The following IL1RAPL1 variants were observed in gnomAD, a reference collection of about 807,000 sequenced individuals.
The protein encoded by IL1RAPL1 is interleukin-1 receptor accessory protein-like 1.
Under a neutral mutation model 48.4 loss-of-function variants are expected in IL1RAPL1, and 3 were observed. That is an observed-to-expected ratio of 0.06 (90% confidence interval 0.03 to 0.16). The LOEUF (loss-of-function observed/expected upper bound fraction) is 0.16. IL1RAPL1 is among the 10% of genes least tolerant of loss of function. The pLI is 1.00. For missense variants in IL1RAPL1, 349 were observed against 530.6 expected, an observed-to-expected ratio of 0.66 and a Z score of 3.36; for synonymous variants, 185 against 187.7, an observed-to-expected ratio of 0.99 and a Z score of 0.12.
chrX:29,125,824 C>T (rs1251999159), intron 2 of IL1RAPL1, among the ~76,000 whole-genome samples: 1 of 106,304 alleles, frequency 9.4e-6, no homozygotes, highest in Non-Finnish European at 1.9e-5. Flanking sequence ...GTAAGAAAGA[C>T]CTTTCAACAA....
chrX:29,709,719 G>A (rs930401778), intron 6 of IL1RAPL1, among the ~76,000 whole-genome samples: 1 of 111,325 alleles, frequency 9.0e-6, no homozygotes, highest in Non-Finnish European at 1.9e-5. Flanking sequence ...TTGGAATTTC[G>A]ATAAGTACAC....
At chrX:29,757,205 G>A (rs930135255) in intron 6 of IL1RAPL1, among the ~76,000 whole-genome samples, 6 of 111,892 alleles carry the variant, frequency 5.4e-5, no homozygotes, top group Non-Finnish European at 9.4e-5. Context: ...ATATTTTTAA[G>A]TATATACAAA....
At chrX:29,389,846 T>A (rs955700242) in intron 3 of IL1RAPL1, among the ~76,000 whole-genome samples, 2 of 111,921 alleles carry the variant, frequency 1.8e-5, no homozygotes, top group Non-Finnish European at 3.8e-5. Context: ...AATGGTCTCA[T>A]TCTAATCTTT....
At chrX:28,679,590 A>G (rs1391239419) in intron 1 of IL1RAPL1, among the ~76,000 whole-genome samples, 1 of 111,578 alleles carries the variant, frequency 9.0e-6, no homozygotes, top group Non-Finnish European at 1.9e-5. Context: ...ATAAGGTTTC[A>G]GGTCTTACAT....
At position 29,197,769 on chromosome X, in the gene IL1RAPL1, T is replaced by C. The variant is rs761551050; in HGVS notation, c.83-85169T>C. The stretch of plus-strand genomic sequence containing the variant: ...TGTTGCCTAGGCTGGAGTGCAGTGG[T>C]GCAATCTCGCCTCACCGCAACCTCC... On this transcript the variant is annotated intron_variant, in intron 2 of 10. Coordinates refer to ENST00000378993, the MANE Select transcript of IL1RAPL1 (RefSeq NM_014271.4). Among the ~76,000 whole-genome samples, 52 of 104,540 alleles carry C rather than the reference T, an allele frequency of 5.0e-4. 1 individual carries two copies. In the South Asian group the frequency reaches 0.023, roughly 46 times the overall value. 90.8% of individuals were successfully genotyped at this position (104,540 alleles called of 115,157 possible). A position where few individuals can be genotyped will look rare whatever the true frequency, so the allele number is the denominator to read the frequency against.
chrX:29,601,973 TTTTG>T (rs1237093864), intron 5 of IL1RAPL1, among the ~76,000 whole-genome samples: 2 of 112,224 alleles, frequency 1.8e-5, no homozygotes, highest in South Asian at 3.7e-4. Flanking sequence ...TTGTTTGTTT[TTTTG>T]TTTGTTTGTT....
At position 29,893,581 on chromosome X, in the gene IL1RAPL1, T is replaced by C. The variant is rs192170916; in HGVS notation, c.779-23883T>C. On this transcript the variant is annotated intron_variant, in intron 6 of 10. Coordinates refer to ENST00000378993, the MANE Select transcript of IL1RAPL1 (RefSeq NM_014271.4). ...CAGGTTGAATAATATTTCTCCCTAC[T>C]TTATCAAAATATATATCATATATAT... Among the ~76,000 whole-genome samples, 202 of 111,461 alleles carry C rather than the reference T, an allele frequency of 1.8e-3. 1 individual carries two copies. The highest frequency in any genetic ancestry group is 4.0e-3 in the Admixed American group (42 of 10,405).
chrX:29,682,353 C>A, intron 6 of IL1RAPL1, among the ~76,000 whole-genome samples: 1 of 110,839 alleles, frequency 9.0e-6, no homozygotes, highest in Admixed American at 9.7e-5. Context: ...ATACCATGGA[C>A]CTACATAACT....
chrX:29,176,085 C>CTTTT (rs752040172), intron 2 of IL1RAPL1, among the ~76,000 whole-genome samples: 5 of 75,745 alleles, frequency 6.6e-5, no homozygotes, highest in Non-Finnish European at 1.0e-4. Flanking sequence ...TGGTAATTTG[C>CTTTT]TTTTTTTTTT....
chrX:29,562,082 AATCTATCTG>A lies in IL1RAPL1; in HGVS notation c.704-106347_704-106339del, dbSNP rs1569339247. Among the ~76,000 whole-genome samples the A allele has an allele frequency of 9.2e-3, 635 of 69,223 alleles. 8 individuals carry two copies. Among genetic ancestry groups the A allele is most frequent in the African/African-American group, 0.042 (605 of 14,331 alleles). 60.1% of individuals were successfully genotyped at this position (69,223 alleles called of 115,157 possible). On this transcript the variant is annotated intron_variant, in intron 5 of 10. Coordinates refer to ENST00000378993, the MANE Select transcript of IL1RAPL1 (RefSeq NM_014271.4). ...TATCTATCTATCTATCTATCTATCT[AATCTATCTG>A]TCTATCTATCTATCTATCTATCTAA... is the stretch of plus-strand genomic sequence containing the variant.
At chrX:29,359,462 G>T (rs1933348574) in intron 3 of IL1RAPL1, among the ~76,000 whole-genome samples, 1 of 112,198 alleles carries the variant, frequency 8.9e-6, no homozygotes, top group Non-Finnish European at 1.9e-5. Context: ...TGTACTATTT[G>T]TCCTGTCAAC....
intron 6 of IL1RAPL1, among the ~76,000 whole-genome samples, chrX:29,832,665 T>C (rs1444227069): frequency 1.8e-5 from 2 of 109,727 alleles, no homozygotes; most frequent in African/African-American, 3.3e-5. Context: ...AAGCTTTTTT[T>C]CCTCCTTATT....
chrX:29,419,478 G>T (rs1307195908), intron 5 of IL1RAPL1, among the ~76,000 whole-genome samples: 2 of 110,133 alleles, frequency 1.8e-5, no homozygotes, highest in Non-Finnish European at 3.8e-5. Flanking sequence ...CCACCACCAG[G>T]CCTGGCTGAT....
intron 2 of IL1RAPL1, among the ~76,000 whole-genome samples, chrX:28,836,574 T>G (rs1426590518): frequency 9.1e-6 from 1 of 109,945 alleles, no homozygotes; most frequent in East Asian, 2.8e-4. Context: ...AAAGATGCTG[T>G]GGCAGATAAA....
chrX:28,923,500 T>C (rs750115975), intron 2 of IL1RAPL1, among the ~76,000 whole-genome samples: 3 of 111,621 alleles, frequency 2.7e-5, no homozygotes, highest in Non-Finnish European at 3.8e-5. Context: ...ATATGAAGTT[T>C]GCATTAAGAG....
chrX:28,655,694 T>G (rs1475551514), intron 1 of IL1RAPL1, among the ~76,000 whole-genome samples: 1 of 112,266 alleles, frequency 8.9e-6, no homozygotes, highest in East Asian at 2.8e-4. Context: ...TAACAAGTAT[T>G]GGTTGAAGGG....
intron 6 of IL1RAPL1, among the ~76,000 whole-genome samples, chrX:29,894,700 A>T (rs1376122283): frequency 8.9e-6 from 1 of 112,168 alleles, no homozygotes; most frequent in Non-Finnish European, 1.9e-5. Flanking sequence ...ATCATATTTT[A>T]ACCAGATCAG....
At chrX:28,749,957 AT>A (rs770803950) in intron 1 of IL1RAPL1, among the ~76,000 whole-genome samples, 213 of 101,260 alleles carry the variant, frequency 2.1e-3, no homozygotes, top group African/African-American at 1.8e-3. Context: ...CACTTTCTAC[AT>A]TTTTTTTTTT....
intron 6 of IL1RAPL1, among the ~76,000 whole-genome samples, chrX:29,885,857 A>ATAAC (rs953895499): frequency 3.6e-5 from 4 of 111,567 alleles, no homozygotes; most frequent in African/African-American, 1.3e-4. Flanking sequence ...AAATTAAATT[A>ATAAC]TAACTATGAA....
Sources: allele counts gnomAD v4.1 joint callset (sites outside exome capture counted in the v4.1 genomes callset), GRCh38; gene constraint gnomAD v4.1.1; transcripts MANE v1.5; gene names NCBI Gene and HGNC (gene_info 2026-07-23, HGNC 2026-07-21).